RETREG1: variants seen among roughly 807,000 people sequenced by gnomAD.
RETREG1 encodes the protein family with sequence similarity 134 member B.
In RETREG1, 44 loss-of-function variants were observed where a neutral mutation model predicts 54.8. The ratio of observed to expected loss-of-function variants is 0.80; its 90% CI spans 0.63 to 1.03. The LOEUF (loss-of-function observed/expected upper bound fraction) is 1.03. RETREG1 is among the 50% of genes least tolerant of loss of function. The pLI is 0.00. For synonymous variants in RETREG1, 217 were observed against 238.5 expected, an observed-to-expected ratio of 0.91 and a Z score of 0.83; for missense variants, 554 against 605.1, an observed-to-expected ratio of 0.92 and a Z score of 0.89.
intron 5 of RETREG1, 148 bp from the exon 6 acceptor site, chr5:16,479,135 T>A: frequency 1.3e-6 from 1 of 764,460 alleles, no homozygotes; most frequent in Non-Finnish European, 2.1e-6. Context: ...TTATAATTTC[T>A]ATTCTTTTTC....
At chr5:16,579,021 T>C (rs1041384986) in intron 1 of RETREG1, among the ~76,000 whole-genome samples, 2 of 152,154 alleles carry the variant, frequency 1.3e-5, no homozygotes, top group Non-Finnish European at 2.9e-5. Flanking sequence ...GACCAATGCA[T>C]TCCAGGCTGG....
intron 1 of RETREG1, among the ~76,000 whole-genome samples, chr5:16,577,887 C>G (rs1742374860): frequency 6.6e-6 from 1 of 152,228 alleles, no homozygotes; most frequent in African/African-American, 2.4e-5. Context: ...CACCTTCCAC[C>G]ATGATTGTGA....
rs111894220 is a variant in RETREG1 at position 16,600,530 on chromosome 5, C to T, written c.320+16122G>A. 9.8e-5 allele frequency among the ~76,000 whole-genome samples: 15 copies of T among 152,328 alleles called. No homozygotes were observed. In the South Asian group the frequency reaches 1.4e-3, roughly 15 times the overall value. On this transcript the variant is annotated intron_variant, in intron 1 of 8. Transcript: ENST00000306320. ...AGGCACATTCTGATGGGGACCCCCACGTGTTCATCATCTCCCTGGCACAGC... is the reference window on the plus strand; with the variant it reads ...AGGCACATTCTGATGGGGACCCCCATGTGTTCATCATCTCCCTGGCACAGC...
chr5:16,545,541 C>T (rs1741362974), intron 3 of RETREG1, among the ~76,000 whole-genome samples: 1 of 152,154 alleles, frequency 6.6e-6, no homozygotes, highest in Non-Finnish European at 1.5e-5. Flanking sequence ...CTGGCAAATA[C>T]TAAGCACTAA....
At chr5:16,599,651 C>T (rs769825307) in intron 1 of RETREG1, among the ~76,000 whole-genome samples, 21 of 152,204 alleles carry the variant, frequency 1.4e-4, no homozygotes, top group Non-Finnish European at 3.1e-4. Flanking sequence ...CCTGAAGCAA[C>T]AGACTGCTCT....
At chr5:16,490,871 G>A (rs1397800470) in intron 3 of RETREG1, among the ~76,000 whole-genome samples, 1 of 152,188 alleles carries the variant, frequency 6.6e-6, no homozygotes, top group African/African-American at 2.4e-5. Flanking sequence ...TAAATGCCAA[G>A]CTACACAAAT....
At chr5:16,598,825 C>G (rs757749995) in intron 1 of RETREG1, among the ~76,000 whole-genome samples, 1 of 152,144 alleles carries the variant, frequency 6.6e-6, no homozygotes, top group Non-Finnish European at 1.5e-5. Context: ...AGGCTGAAGA[C>G]ACCTACGATT....
At chr5:16,583,924 TTCAC>T (rs1579707513) in intron 1 of RETREG1, among the ~76,000 whole-genome samples, 2 of 152,372 alleles carry the variant, frequency 1.3e-5, no homozygotes, top group East Asian at 3.9e-4. Context: ...AAAATAGGGT[TTCAC>T]TTTCTTTTAC....
chr5:16,571,139 C>A (rs567049190), intron 2 of RETREG1, among the ~76,000 whole-genome samples: 1 of 152,324 alleles, frequency 6.6e-6, no homozygotes, highest in African/African-American at 2.4e-5. Flanking sequence ...ACATCGCTGG[C>A]TTCTAGTTGC....
chr5:16,614,453 A>G (rs1438652609), intron 1 of RETREG1, among the ~76,000 whole-genome samples: 5 of 152,268 alleles, frequency 3.3e-5, no homozygotes, highest in Non-Finnish European at 7.3e-5. Context: ...ACTGCAAAAT[A>G]AAATCATTTT....
At chr5:16,565,694 A>T (rs1741985775) in intron 3 of RETREG1, 69 bp downstream of exon 3, 1 of 1,505,446 alleles carries the variant, frequency 6.6e-7, no homozygotes, top group Admixed American at 1.7e-5. Flanking sequence ...TCAGAGCTAC[A>T]TCTTGGTGGC....
At position 16,584,290 on chromosome 5, in the gene RETREG1, T is replaced by TA. The variant is rs1561129618; in HGVS notation, c.321-12189dup. On this transcript the variant is annotated intron_variant, in intron 1 of 8. Transcript: ENST00000306320. ...TGTTCCCCAAAAATCTATTGAAATT[T>TA]AAAAAATTAAGATTTTACACAGAAA... Among the ~76,000 whole-genome samples the TA allele has an allele frequency of 2.0e-5, 3 of 152,248 alleles. No individual in the cohort carries two copies. The South Asian group carries it at 6.2e-4, about 32-fold the overall frequency.
Position 16,616,720 on chromosome 5 carries a change from G to C in RETREG1, c.252C>G (p.Asp84Glu), listed in dbSNP as rs754596403. The change falls in exon 1 of 9, where the codon GAC becomes GAG. Residue 84 changes from aspartate to glutamate, a missense_variant. Physicochemically the swap from Asp to Glu is conservative, Grantham distance 45 (BLOSUM62 2). This residue lies in a region of RETREG1 where 175 missense variants were observed against 142.1 expected (regional missense o/e 1.23). Coordinates refer to ENST00000306320, the MANE Select transcript of RETREG1 (RefSeq NM_001034850.3). Reference sequence around the variant, plus strand: ...GCGGCCTCTTCCAGCTCAGCAGCTCGTCGGCGCGGCAGCCCAGCCACAGCA... The same window carrying C: ...GCGGCCTCTTCCAGCTCAGCAGCTCCTCGGCGCGGCAGCCCAGCCACAGCA... ...EPVLWLGCRA[D>E]ELLSWKRPLR... is the part of the protein sequence containing the mutation. 3.8e-6 allele frequency: 6 copies of C among 1,586,314 alleles called. No individual in the cohort carries two copies. The Admixed American group carries it at 5.1e-5, about 14-fold the overall frequency.
chr5:16,548,395 A>G (rs1223012320), intron 3 of RETREG1, among the ~76,000 whole-genome samples: 1 of 152,208 alleles, frequency 6.6e-6, no homozygotes, highest in African/African-American at 2.4e-5. Flanking sequence ...CTCTGGTCCA[A>G]TGAGGCTGAA....
intron 1 of RETREG1, among the ~76,000 whole-genome samples, chr5:16,579,098 C>G (rs1423865789): frequency 1.3e-5 from 2 of 152,140 alleles, no homozygotes; most frequent in African/African-American, 4.8e-5. Context: ...GAGAGGTTAC[C>G]CTTAACCTTT....
intron 3 of RETREG1, among the ~76,000 whole-genome samples, chr5:16,518,042 C>G (rs756825643): frequency 6.7e-6 from 1 of 149,420 alleles, no homozygotes; most frequent in Non-Finnish European, 1.5e-5. Flanking sequence ...ATATCTCATT[C>G]ATGTGAAATA....
chr5:16,608,036 T>A (rs2126371375), intron 1 of RETREG1, among the ~76,000 whole-genome samples: 1 of 152,152 alleles, frequency 6.6e-6, no homozygotes, highest in East Asian at 1.9e-4. Context: ...CATGCCACCA[T>A]GCCCAGCTAA....
intron 3 of RETREG1, among the ~76,000 whole-genome samples, chr5:16,502,363 A>G (rs1432626289): frequency 2.0e-5 from 3 of 152,274 alleles, no homozygotes; most frequent in East Asian, 3.9e-4. Flanking sequence ...CCCTCTAATC[A>G]TGGCTCCTGG....
chr5:16,611,154 CA>C (rs1295687910), intron 1 of RETREG1, among the ~76,000 whole-genome samples: 1 of 151,938 alleles, frequency 6.6e-6, no homozygotes, highest in Non-Finnish European at 1.5e-5. Flanking sequence ...ATCACAAGGA[CA>C]AAAAAACCAA....
Sources: gnomAD v4.1 joint callset for allele counts (sites outside exome capture counted in the v4.1 genomes callset) on GRCh38, gnomAD v4.1.1 for gene constraint, gnomAD v4.1.1 regional missense constraint, MANE v1.5 for transcripts, NCBI Gene and HGNC (gene_info 2026-07-23, HGNC 2026-07-21) for gene names.